The following LRRC37A2 variants were observed in gnomAD, a reference collection of about 807,000 sequenced individuals.
LRRC37A2 encodes the protein leucine-rich repeat-containing protein 37A2.
LRRC37A2 carries 9 observed loss-of-function variants against 68.8 expected under a neutral mutation model. That is an observed-to-expected ratio of 0.13 (90% CI 0.08 to 0.23). The LOEUF is 0.23. Among genes scored for constraint, LRRC37A2 ranks in the 10% least tolerant of loss-of-function variants. The pLI is 1.00. For missense variants in LRRC37A2, 168 were observed against 950.4 expected (o/e 0.18, Z 10.82); for synonymous variants, 63 against 367.6 (o/e 0.17, Z 9.48).
At chr17:46,994,990 G>A in the LRRC37A2 span, among the ~76,000 whole-genome samples, 1 of 152,204 alleles carries the variant, frequency 6.6e-6, no homozygotes, top group Non-Finnish European at 1.5e-5. Context: ...AGGCATGGTG[G>A]TGTGCACCTG....
chr17:46,722,013 C>T, the LRRC37A2 span: 10 of 1,608,972 alleles, frequency 6.2e-6, no homozygotes, highest in Admixed American at 3.3e-5. Flanking sequence ...CCACCAACTT[C>T]AGTTTCCTTG....
the LRRC37A2 span, among the ~76,000 whole-genome samples, chr17:46,677,967 A>ATAC: frequency 1.4e-5 from 2 of 146,800 alleles, no homozygotes; most frequent in Non-Finnish European, 2.9e-5. Flanking sequence ...AGGAGTAGAC[A>ATAC]TACTCTCACT....
the LRRC37A2 span, among the ~76,000 whole-genome samples, chr17:46,836,095 CGTGTGTGTGTGTGTGT>C: frequency 7.9e-6 from 1 of 126,434 alleles, no homozygotes; most frequent in Non-Finnish European, 1.6e-5. Flanking sequence ...GAGACGCTGA[CGTGTGTGTGTGTGTGT>C]GTGTGTGTGT....
chr17:46,814,741 C>A, the LRRC37A2 span, among the ~76,000 whole-genome samples: 1 of 152,232 alleles, frequency 6.6e-6, no homozygotes, highest in Non-Finnish European at 1.5e-5. Flanking sequence ...AGGTGCCTCC[C>A]TGGGCCCAGC....
the LRRC37A2 span, among the ~76,000 whole-genome samples, chr17:46,946,973 C>CA: frequency 6.6e-6 from 1 of 152,196 alleles, no homozygotes; most frequent in Non-Finnish European, 1.5e-5. Context: ...GAGGAGGCTG[C>CA]AACTGACTGC....
chr17:46,820,217 AG>A, the LRRC37A2 span, among the ~76,000 whole-genome samples: 6 of 152,178 alleles, frequency 3.9e-5, no homozygotes, highest in Non-Finnish European at 8.8e-5. Context: ...CTGCCGGCAC[AG>A]GGAGCGCGGG....
At chr17:46,551,028 A>G (rs1465150624) in intron 11 of LRRC37A2, among the ~76,000 whole-genome samples, 4 of 149,948 alleles carry the variant, frequency 2.7e-5, no homozygotes, top group Non-Finnish European at 5.9e-5. Context: ...AAAGCACTAC[A>G]GAGTAGCCAT....
At chr17:47,017,589 T>G in the LRRC37A2 span, 1 of 1,599,664 alleles carries the variant, frequency 6.3e-7, no homozygotes, top group Non-Finnish European at 8.5e-7. Context: ...ACAGCAGGAT[T>G]TAAAGGACAA....
the LRRC37A2 span, chr17:46,874,955 C>T: frequency 5.1e-3 from 6,535 of 1,293,994 alleles, 25 homozygotes; most frequent in Admixed American, 7.7e-3. Flanking sequence ...GGAGCTGTGT[C>T]CTCAAGCCAC....
the LRRC37A2 span, among the ~76,000 whole-genome samples, chr17:46,807,206 G>A: frequency 6.6e-6 from 1 of 152,220 alleles, no homozygotes; most frequent in East Asian, 1.9e-4. Context: ...AAGAAGGCCG[G>A]GCCTGGTGGC....
the LRRC37A2 span, among the ~76,000 whole-genome samples, chr17:46,919,329 T>C: frequency 2.0e-5 from 3 of 152,142 alleles, no homozygotes; most frequent in African/African-American, 7.2e-5. Context: ...ATCCAAGTGG[T>C]TTAGCCATAC....
chr17:46,904,755 T>C, the LRRC37A2 span, among the ~76,000 whole-genome samples: 7 of 152,326 alleles, frequency 4.6e-5, no homozygotes, highest in African/African-American at 1.7e-4. Flanking sequence ...CTCAGGAGAC[T>C]TGCATGAAGC....
the LRRC37A2 span, among the ~76,000 whole-genome samples, chr17:47,027,305 T>C: frequency 6.6e-6 from 1 of 152,162 alleles, no homozygotes; most frequent in East Asian, 1.9e-4. Context: ...GGGCATCTAA[T>C]CAAGTCTACT....
At chr17:46,936,525 A>G in the LRRC37A2 span, 1 of 985,488 alleles carries the variant, frequency 1.0e-6, no homozygotes, top group Non-Finnish European at 1.2e-6. Flanking sequence ...CCTGCCTCAC[A>G]CCCTGCCTCC....
the LRRC37A2 span, among the ~76,000 whole-genome samples, chr17:46,675,598 A>G: frequency 7.6e-6 from 1 of 131,948 alleles, no homozygotes; most frequent in African/African-American, 3.1e-5. Context: ...GTGGGTGTAT[A>G]TGCATACATA....
At chr17:47,023,419 G>A in the LRRC37A2 span, among the ~76,000 whole-genome samples, 4 of 152,194 alleles carry the variant, frequency 2.6e-5, no homozygotes, top group Non-Finnish European at 2.9e-5. Flanking sequence ...AGGCACGGTG[G>A]CTCACGCCTT....
chr17:46,923,168 A>G, the LRRC37A2 span: 3 of 1,478,262 alleles, frequency 2.0e-6, no homozygotes, highest in South Asian at 3.6e-5. Context: ...CCAGAGCCGG[A>G]GCCGTGGCCT....
At chr17:46,895,150 C>T in the LRRC37A2 span, among the ~76,000 whole-genome samples, 1 of 152,232 alleles carries the variant, frequency 6.6e-6, no homozygotes, top group Admixed American at 6.5e-5. Flanking sequence ...TGAGAGGACA[C>T]GGGGCCATCA....
the LRRC37A2 span, among the ~76,000 whole-genome samples, chr17:46,809,326 C>A: frequency 6.6e-6 from 1 of 152,162 alleles, no homozygotes; most frequent in Non-Finnish European, 1.5e-5. Flanking sequence ...TATTTGCATT[C>A]CTAATGGGCC....
Sources: allele counts gnomAD v4.1 joint callset (sites outside exome capture counted in the v4.1 genomes callset), GRCh38; gene constraint gnomAD v4.1.1; transcripts MANE v1.5; gene names NCBI Gene and HGNC (gene_info 2026-07-23, HGNC 2026-07-21).